Variants in MACROD2 observed in about 807,000 individuals in gnomAD.
MACROD2 encodes the protein mono-ADP ribosylhydrolase 2.
In MACROD2, 36 loss-of-function variants were observed where a neutral mutation model predicts 70.4. The observed-to-expected ratio is 0.51, with a 90% CI of 0.39 to 0.68. The LOEUF (loss-of-function observed/expected upper bound fraction) is 0.68, where lower values mean the gene tolerates loss of function less well. Among genes scored for constraint, MACROD2 ranks in the 30% least tolerant of loss-of-function variants. The pLI is 0.00. For synonymous variants in MACROD2, 172 were observed against 178.8 expected, an observed-to-expected ratio of 0.96 and a Z score of 0.30; for missense variants, 496 against 538.4, an observed-to-expected ratio of 0.92 and a Z score of 0.78.
At chr20:14,509,237 G>C (rs149327825) in intron 4 of MACROD2, among the ~76,000 whole-genome samples, 1 of 151,910 alleles carries the variant, frequency 6.6e-6, no homozygotes, top group Admixed American at 6.6e-5. Context: ...TTTCATTAAT[G>C]TTGTTACTGC....
At chr20:15,210,994 G>T (rs745785339) in intron 5 of MACROD2, among the ~76,000 whole-genome samples, 1 of 152,136 alleles carries the variant, frequency 6.6e-6, no homozygotes, top group African/African-American at 2.4e-5. Flanking sequence ...CAATTCAGTG[G>T]TGTTGGCACA....
intron 7 of MACROD2, among the ~76,000 whole-genome samples, chr20:15,479,265 C>CTTTTTTTTTTTT: frequency 1.1e-5 from 1 of 87,772 alleles, no homozygotes; most frequent in Non-Finnish European, 2.0e-5. Context: ...TTCTCGCTCT[C>CTTTTTTTTTTTT]TTTTTTTTTT....
chr20:15,133,497 G>C (rs377048163), intron 5 of MACROD2, among the ~76,000 whole-genome samples: 12 of 152,108 alleles, frequency 7.9e-5, no homozygotes, highest in African/African-American at 2.9e-4. Context: ...TACCCACATT[G>C]TTTGGCAAAT....
At chr20:16,013,035 CTGGGCA>C in intron 15 of MACROD2, among the ~76,000 whole-genome samples, 1 of 152,282 alleles carries the variant, frequency 6.6e-6, no homozygotes, top group East Asian at 1.9e-4. Flanking sequence ...CAAAACTTAG[CTGGGCA>C]TGGTGGCGTG....
Position 15,885,751 on chromosome 20 carries a change from T to C in MACROD2, c.728-13T>C, listed in dbSNP as rs936751109. 1 of 1,477,176 alleles carries C rather than the reference T, an allele frequency of 6.8e-7. No individual in the cohort carries two copies. The highest frequency in any genetic ancestry group is 9.0e-7 in the Non-Finnish European group (1 of 1,111,858). 91.5% of individuals were successfully genotyped at this position (1,477,176 alleles called of 1,614,324 possible). ...ATATAAGTATTTCTTTATGTTTTCC[T>C]ATTTTTTAACAGACGATAATAATGA... On this transcript the variant is annotated splice_polypyrimidine_tract_variant and intron_variant, in intron 9 of 17. Coordinates refer to ENST00000684519, the MANE Select transcript of MACROD2 (RefSeq NM_001351661.2).
intron 5 of MACROD2, among the ~76,000 whole-genome samples, chr20:15,150,376 G>A (rs374319308): frequency 7.9e-5 from 12 of 152,136 alleles, no homozygotes; most frequent in African/African-American, 2.9e-4. Context: ...TACAGGTTGG[G>A]CACCACAGGG....
At chr20:16,034,503 T>C (rs1448908101) in intron 15 of MACROD2, among the ~76,000 whole-genome samples, 1 of 151,990 alleles carries the variant, frequency 6.6e-6, no homozygotes, top group Non-Finnish European at 1.5e-5. Context: ...TATGGAATAA[T>C]AGCCTTCTTC....
At chr20:15,409,059 T>TA (rs1418990885) in intron 6 of MACROD2, among the ~76,000 whole-genome samples, 1 of 152,218 alleles carries the variant, frequency 6.6e-6, no homozygotes, top group Non-Finnish European at 1.5e-5. Context: ...ATAAGAAAAT[T>TA]AAATTACTAT....
chr20:14,352,148 G>A (rs1046811604), intron 3 of MACROD2, among the ~76,000 whole-genome samples: 1 of 152,086 alleles, frequency 6.6e-6, no homozygotes. Flanking sequence ...GTGAGGTTTT[G>A]CATCAATATT....
intron 5 of MACROD2, among the ~76,000 whole-genome samples, chr20:14,983,718 TC>T (rs2074823347): frequency 6.6e-6 from 1 of 152,148 alleles, no homozygotes; most frequent in South Asian, 2.1e-4. Context: ...TTGCCCAGTC[TC>T]GGGTATGTCT....
intron 3 of MACROD2, among the ~76,000 whole-genome samples, chr20:14,363,741 C>T (rs1339322163): frequency 1.4e-5 from 2 of 138,714 alleles, no homozygotes; most frequent in African/African-American, 5.4e-5. Flanking sequence ...GGCGTGAACC[C>T]GGGAGGCGGA....
intron 3 of MACROD2, among the ~76,000 whole-genome samples, chr20:14,338,328 T>C (rs951112357): frequency 2.6e-5 from 4 of 152,024 alleles, no homozygotes; most frequent in Non-Finnish European, 5.9e-5. Flanking sequence ...GATTGCACCA[T>C]TGCACTCCAG....
intron 15 of MACROD2, among the ~76,000 whole-genome samples, chr20:15,994,930 G>A (rs2066607053): frequency 6.6e-6 from 1 of 152,110 alleles, no homozygotes; most frequent in African/African-American, 2.4e-5. Context: ...TTTCAAAGAT[G>A]TTAAGATGTG....
chr20:14,158,005 T>C (rs1374383607), intron 3 of MACROD2, among the ~76,000 whole-genome samples: 1 of 152,200 alleles, frequency 6.6e-6, no homozygotes, highest in Admixed American at 6.5e-5. Context: ...ATCTACTATT[T>C]TCCATAGTGG....
At chr20:14,306,981 G>A (rs547796923) in intron 3 of MACROD2, among the ~76,000 whole-genome samples, 1 of 149,940 alleles carries the variant, frequency 6.7e-6, no homozygotes, top group East Asian at 2.0e-4. Context: ...TATTCTATAC[G>A]CCTCAAAGTG....
chr20:14,647,073 G>T (rs1471573749), intron 4 of MACROD2, among the ~76,000 whole-genome samples: 5 of 152,058 alleles, frequency 3.3e-5, no homozygotes, highest in Non-Finnish European at 7.4e-5. Flanking sequence ...AAAGTAATCA[G>T]CATTTTCCCT....
intron 4 of MACROD2, among the ~76,000 whole-genome samples, chr20:14,528,273 C>A (rs1169360267): frequency 6.8e-6 from 1 of 147,358 alleles, no homozygotes; most frequent in Non-Finnish European, 1.5e-5. Flanking sequence ...CCACACCTGG[C>A]TGATTTTGTG....
intron 4 of MACROD2, among the ~76,000 whole-genome samples, chr20:14,572,044 A>C (rs919651237): frequency 5.9e-5 from 9 of 152,086 alleles, no homozygotes; most frequent in Non-Finnish European, 1.2e-4. Context: ...TAGACAGCAT[A>C]GGATCCCAGA....
intron 7 of MACROD2, among the ~76,000 whole-genome samples, chr20:15,498,909 G>A (rs955702757): frequency 2.0e-5 from 3 of 152,154 alleles, no homozygotes; most frequent in African/African-American, 7.2e-5. Context: ...AAAGGTGATG[G>A]GATTTGGTGA....
Sources: gnomAD v4.1 joint callset for allele counts (sites outside exome capture counted in the v4.1 genomes callset) on GRCh38, gnomAD v4.1.1 for gene constraint, MANE v1.5 for transcripts, NCBI Gene and HGNC (gene_info 2026-07-23, HGNC 2026-07-21) for gene names.